Variants in KIF15 observed in about 807,000 individuals in gnomAD.
KIF15 encodes kinesin-like protein KIF15.
Under a neutral mutation model 190.6 loss-of-function variants are expected in KIF15, and 140 were observed. That is an observed-to-expected ratio of 0.73 (90% CI 0.64 to 0.84). The LOEUF is 0.84. Among genes scored for constraint, KIF15 ranks in the 40% least tolerant of loss-of-function variants. The pLI is 0.00. For missense variants in KIF15, 1,372 were observed against 1,584.4 expected (o/e 0.87, Z 2.28); for synonymous variants, 528 against 551.3 (o/e 0.96, Z 0.59).
At chr3:44,829,031 C>A (rs1697828814) in intron 24 of KIF15, among the ~76,000 whole-genome samples, 2 of 150,296 alleles carry the variant, frequency 1.3e-5, no homozygotes, top group Non-Finnish European at 3.0e-5. Flanking sequence ...GAGCGAAACT[C>A]TGTCTCAAAA....
intron 1 of KIF15, among the ~76,000 whole-genome samples, chr3:44,769,760 T>C (rs1252659043): frequency 6.6e-6 from 1 of 152,116 alleles, no homozygotes; most frequent in African/African-American, 2.4e-5. Context: ...GGACTCCTTA[T>C]CATAAGCTGA....
chr3:44,835,822 TTGTC>T (rs974715364), intron 26 of KIF15, among the ~76,000 whole-genome samples: 1 of 152,120 alleles, frequency 6.6e-6, no homozygotes, highest in African/African-American at 2.4e-5. Context: ...GTTGGGAAAA[TTGTC>T]TGACCAATTT....
chr3:44,789,309 A>G lies in KIF15; in HGVS notation c.639+2735A>G, dbSNP rs114905531. Among the ~76,000 whole-genome samples the G allele has an allele frequency of 9.0e-3, 1,363 of 151,464 alleles. 20 individuals carry two copies. Among genetic ancestry groups the G allele is most frequent in the African/African-American group, 0.03 (1,243 of 41,332 alleles). On this transcript the variant is annotated intron_variant, in intron 7 of 34. Transcript: ENST00000326047. Reference sequence around the variant, plus strand: ...TATTTTTCTACTATAATTTTTTTTGACTCATGAATTACTTAGAAATGTGAT... The same window carrying G: ...TATTTTTCTACTATAATTTTTTTTGGCTCATGAATTACTTAGAAATGTGAT...
chr3:44,800,452 C>T lies in KIF15; in HGVS notation c.1222+15C>T, dbSNP rs1039047132. The T allele has an allele frequency of 1.9e-6, 3 of 1,612,352 alleles. No homozygotes were observed. Among genetic ancestry groups the T allele is most frequent in the African/African-American group, 1.3e-5 (1 of 74,868 alleles). On this transcript the variant is annotated intron_variant, in intron 11 of 34. Transcript: ENST00000326047. ...CCTGACCAGAGGTAGGATGAGCACA[C>T]AGTCCTTTATCTTGGGGAAGACTGT...
At chr3:44,763,309 T>TC (rs1705229599) in intron 1 of KIF15, among the ~76,000 whole-genome samples, 7 of 152,306 alleles carry the variant, frequency 4.6e-5, no homozygotes, top group Admixed American at 6.5e-5. Flanking sequence ...TCTCTCTCTC[T>TC]TTTTTATTTT....
At chr3:44,826,484 C>T (rs1158979181) in intron 22 of KIF15, 24 bp downstream of exon 22, 2 of 1,428,806 alleles carry the variant, frequency 1.4e-6, no homozygotes, top group South Asian at 1.2e-5. Flanking sequence ...ATTTTTTCTA[C>T]TAGCATACTA....
intron 1 of KIF15, among the ~76,000 whole-genome samples, chr3:44,773,534 T>C (rs1456785844): frequency 2.0e-5 from 3 of 151,954 alleles, no homozygotes; most frequent in African/African-American, 4.8e-5. Context: ...CCCAACATTG[T>C]AGAAGAAAAG....
chr3:44,816,025 C>T lies in KIF15; in HGVS notation c.2549+949C>T, dbSNP rs989168677. ...GATCTGCAGGCCAGAGCCACCTATACATACATTTTTCTTTTTTTTTTAAAG... is the reference window on the plus strand; with the variant it reads ...GATCTGCAGGCCAGAGCCACCTATATATACATTTTTCTTTTTTTTTTAAAG... On this transcript the variant is annotated intron_variant, in intron 20 of 34. Coordinates refer to ENST00000326047, the MANE Select transcript of KIF15 (RefSeq NM_020242.3). Among the ~76,000 whole-genome samples the T allele has an allele frequency of 1.7e-4, 26 of 151,130 alleles. 1 individual carries two copies. Among genetic ancestry groups the T allele is most frequent in the African/African-American group, 6.3e-4 (26 of 41,270 alleles).
At chr3:44,861,841 C>G in intron 6 of KIF15, 1 of 1,385,654 alleles carries the variant, frequency 7.2e-7, no homozygotes, top group Non-Finnish European at 9.7e-7. Context: ...ACAGGAGCGT[C>G]GCGTCACGTG....
Position 44,802,061 on chromosome 3 carries a change from A to G in KIF15, c.1509+87A>G, listed in dbSNP as rs72875741. 2,830 of 886,954 alleles carry G rather than the reference A, an allele frequency of 3.2e-3. 46 individuals carry two copies. In the African/African-American group the frequency reaches 0.038, roughly 12 times the overall value. 54.9% of individuals were successfully genotyped at this position (886,954 alleles called of 1,614,324 possible). A position where few individuals can be genotyped will look rare whatever the true frequency, so the allele number is the denominator to read the frequency against. ...TGTCAGCAAGTACTTGTTCTTTAAT[A>G]CAATGGAAATTGTTTTAAGTGAATT... On this transcript the variant is annotated intron_variant, in intron 13 of 34. Coordinates refer to ENST00000326047, the MANE Select transcript of KIF15 (RefSeq NM_020242.3).
intron 20 of KIF15, among the ~76,000 whole-genome samples, chr3:44,821,950 C>T (rs1441158688): frequency 6.6e-6 from 1 of 152,218 alleles, no homozygotes; most frequent in Non-Finnish European, 1.5e-5. Flanking sequence ...AGCGAAACCC[C>T]GTCTCCACCA....
chr3:44,765,481 A>C (rs1705337197), intron 1 of KIF15, among the ~76,000 whole-genome samples: 1 of 152,196 alleles, frequency 6.6e-6, no homozygotes, highest in Non-Finnish European at 1.5e-5. Flanking sequence ...GGATATGCCC[A>C]CCTTTATCCT....
intron 1 of KIF15, among the ~76,000 whole-genome samples, chr3:44,762,641 T>C (rs1349276995): frequency 1.3e-5 from 2 of 152,234 alleles, no homozygotes; most frequent in Non-Finnish European, 2.9e-5. Flanking sequence ...AGGAGAGGCC[T>C]GGATTAGATG....
intron 22 of KIF15, 76 bp downstream of exon 22, chr3:44,826,536 T>TTA: frequency 1.0e-6 from 1 of 999,012 alleles, no homozygotes; most frequent in Non-Finnish European, 1.5e-6. Flanking sequence ...GTTTTTTTTT[T>TTA]ATTGCCAATA....
chr3:44,805,763 T>C (rs1707466225), intron 15 of KIF15, 82 bp from the exon 16 acceptor site: 1 of 1,233,818 alleles, frequency 8.1e-7, no homozygotes, highest in Admixed American at 2.2e-5. Flanking sequence ...TAAAGTTATG[T>C]GAGAGCATAA....
chr3:44,852,812 C>A lies in KIF15; in HGVS notation c.*77C>A. The A allele has an allele frequency of 1.7e-6, 2 of 1,182,038 alleles. No individual in the cohort carries two copies. Among genetic ancestry groups the A allele is most frequent in the Non-Finnish European group, 2.4e-6 (2 of 826,438 alleles). 73.2% of individuals were successfully genotyped at this position (1,182,038 alleles called of 1,614,324 possible). A position where few individuals can be genotyped will look rare whatever the true frequency, so the allele number is the denominator to read the frequency against. On this transcript the variant is annotated 3_prime_UTR_variant, in exon 35 of 35. Coordinates refer to ENST00000326047, the MANE Select transcript of KIF15 (RefSeq NM_020242.3). ...TTTTACAAGTAAGACCTACTCCTGGCCACTTAGGAGAGCTGAATTTATGGA... is the reference window on the plus strand; with the variant it reads ...TTTTACAAGTAAGACCTACTCCTGGACACTTAGGAGAGCTGAATTTATGGA...
intron 6 of KIF15, among the ~76,000 whole-genome samples, chr3:44,860,839 A>T (rs1016091047): frequency 6.6e-6 from 1 of 151,760 alleles, no homozygotes; most frequent in African/African-American, 2.4e-5. Flanking sequence ...TACATATTCT[A>T]TAATTTTTTT....
intron 25 of KIF15, 114 bp downstream of exon 25, chr3:44,830,189 G>T: frequency 2.1e-6 from 1 of 476,930 alleles, no homozygotes. Flanking sequence ...AATAAGTTTG[G>T]AAATTCTAGT....
At chr3:44,820,777 G>A (rs1344637647) in intron 20 of KIF15, among the ~76,000 whole-genome samples, 2 of 151,946 alleles carry the variant, frequency 1.3e-5, no homozygotes, top group African/African-American at 2.4e-5. Context: ...GCAACCATCC[G>A]ATTTCTCACT....
Sources: gnomAD v4.1 joint callset for allele counts (sites outside exome capture counted in the v4.1 genomes callset) on GRCh38, gnomAD v4.1.1 for gene constraint, MANE v1.5 for transcripts, NCBI Gene and HGNC (gene_info 2026-07-23, HGNC 2026-07-21) for gene names.